PBLD: variants seen among roughly 807,000 people sequenced by gnomAD.
PBLD encodes the protein phenazine biosynthesis like protein domain containing, also known as phenazine biosynthesis-like domain-containing protein.
Under a neutral mutation model 31.3 loss-of-function variants are expected in PBLD, and 26 were observed. The ratio of observed to expected loss-of-function variants is 0.83; its 90% CI spans 0.61 to 1.15. PBLD has a LOEUF of 1.15. Ranked by LOEUF, PBLD falls within the 50% of genes most tolerant of loss-of-function variation. PBLD has a pLI of 0.00. For missense variants in PBLD, 307 were observed against 351.7 expected, an observed-to-expected ratio of 0.87 and a Z score of 1.02; for synonymous variants, 114 against 129.0, an observed-to-expected ratio of 0.88 and a Z score of 0.79.
intron 1 of PBLD, among the ~76,000 whole-genome samples, chr10:68,316,138 C>G (rs2044733620): frequency 6.6e-6 from 1 of 151,914 alleles, no homozygotes; most frequent in Non-Finnish European, 1.5e-5. Flanking sequence ...AAAAACTGTC[C>G]CTGAGGGAGT....
chr10:68,305,299 G>C (rs1330381663), intron 2 of PBLD, among the ~76,000 whole-genome samples: 2 of 139,674 alleles, frequency 1.4e-5, no homozygotes, highest in Admixed American at 7.5e-5. Context: ...TTTTCTTAGA[G>C]ACACGGTCTC....
intron 2 of PBLD, among the ~76,000 whole-genome samples, chr10:68,298,660 G>A (rs1237352920): frequency 6.6e-6 from 1 of 152,064 alleles, no homozygotes; most frequent in Non-Finnish European, 1.5e-5. Context: ...AAGTGGGCAA[G>A]TCATTTAATC....
intron 8 of PBLD, chr10:68,287,108 A>G (rs1219292964): frequency 6.4e-4 from 2 of 3,134 alleles, no homozygotes; most frequent in Non-Finnish European, 0.037. Context: ...CAGCCTGGGC[A>G]AAAAAAAAAA....
At chr10:68,302,110 C>T (rs2044513113) in intron 2 of PBLD, among the ~76,000 whole-genome samples, 1 of 152,240 alleles carries the variant, frequency 6.6e-6, no homozygotes, top group Non-Finnish European at 1.5e-5. Flanking sequence ...GTTCAAAATA[C>T]TGGCTTTTCT....
intron 1 of PBLD, chr10:68,332,004 C>A (rs1416366857): frequency 6.6e-6 from 1 of 152,630 alleles, no homozygotes; most frequent in Non-Finnish European, 1.5e-5. Context: ...GGGCCGGCCG[C>A]CTTCGCAGTT....
chr10:68,319,069 AAGAAAGAAAG>A (rs1209269511), intron 1 of PBLD, among the ~76,000 whole-genome samples: 2 of 125,544 alleles, frequency 1.6e-5, no homozygotes, highest in Admixed American at 8.5e-5. Context: ...GAAAGAAAGA[AAGAAAGAAAG>A]AAAGAAAGAA....
chr10:68,284,346 G>A (rs1161301584), intron 9 of PBLD, 57 bp from the exon 10 acceptor site: 53 of 1,421,924 alleles, frequency 3.7e-5, no homozygotes, highest in Non-Finnish European at 5.1e-5. Flanking sequence ...AATTAACAAA[G>A]CATAGTGAAA....
chr10:68,288,828 G>A (rs1005185310), intron 7 of PBLD, 103 bp downstream of exon 7: 36 of 1,313,762 alleles, frequency 2.7e-5, no homozygotes, highest in South Asian at 6.4e-5. Context: ...CTCTGGCTGC[G>A]TAAATCATGG....
rs149502566 is a variant in PBLD at position 68,300,488 on chromosome 10, C to T, written c.85-3503G>A. On this transcript the variant is annotated intron_variant, in intron 2 of 9. Transcript: ENST00000358769. ...TGAGTACTGTGCTGAGCCAGGAGCACGGCAACACAACTAAGGGGATTTGTT... is the reference window on the plus strand; with the variant it reads ...TGAGTACTGTGCTGAGCCAGGAGCATGGCAACACAACTAAGGGGATTTGTT... Among the ~76,000 whole-genome samples, 490 of 152,310 alleles carry T rather than the reference C, an allele frequency of 3.2e-3. 7 individuals carry two copies. The highest frequency in any genetic ancestry group is 0.011 in the African/African-American group (452 of 41,568).
At chr10:68,327,156 T>G (rs1215005659) in intron 1 of PBLD, among the ~76,000 whole-genome samples, 6 of 152,174 alleles carry the variant, frequency 3.9e-5, no homozygotes, top group African/African-American at 1.4e-4. Context: ...GATTATGAAG[T>G]CAAGTCTAAG....
chr10:68,309,658 A>G (rs1399067779), intron 1 of PBLD, among the ~76,000 whole-genome samples: 3 of 148,734 alleles, frequency 2.0e-5, no homozygotes, highest in Non-Finnish European at 4.4e-5. Context: ...AAATACAGAA[A>G]TCAGCTGGGC....
intron 1 of PBLD, among the ~76,000 whole-genome samples, chr10:68,328,239 T>C (rs966809305): frequency 6.6e-6 from 1 of 152,268 alleles, no homozygotes; most frequent in Non-Finnish European, 1.5e-5. Flanking sequence ...GTTACATTTT[T>C]TAGATTATTT....
intron 1 of PBLD, chr10:68,331,503 G>C (rs1158602223): frequency 6.6e-6 from 1 of 152,384 alleles, no homozygotes; most frequent in Admixed American, 6.5e-5. Flanking sequence ...GCCAGGGGAA[G>C]GAGGCGGACA....
At chr10:68,330,709 CGT>C (rs56166847) in intron 1 of PBLD, among the ~76,000 whole-genome samples, 13,405 of 142,558 alleles carry the variant, frequency 0.094, 613 homozygotes, top group African/African-American at 0.095. Context: ...CCACGCCCGG[CGT>C]GTGTGTGTGT....
Position 68,289,724 on chromosome 10 carries a change from A to G in PBLD, c.424-705T>C, listed in dbSNP as rs565789279. ...TGACCCAGGTCTGAGAAGGTCAGAG[A>G]AAAAGCTCTAAATCCCTACTGTCCA... On this transcript the variant is annotated intron_variant, in intron 6 of 9. Transcript: ENST00000358769. Among the ~76,000 whole-genome samples, 6 of 146,932 alleles carry G rather than the reference A, an allele frequency of 4.1e-5. No individual in the cohort carries two copies. In the South Asian group the frequency reaches 1.3e-3, roughly 32 times the overall value.
At position 68,296,339 on chromosome 10, in the gene PBLD, A is replaced by G. The variant is rs2044426961; in HGVS notation, c.210T>C (p.Phe70=). ...AQSSCFGLRW[F]TPASEVPLCG... is the part of the protein sequence containing the mutation. ...AGAGTGGGACCTCACTCGCTGGTGTAAACCATCTCAGTCCAAAGCAGGAAC... is the reference window on the plus strand; with the variant it reads ...AGAGTGGGACCTCACTCGCTGGTGTGAACCATCTCAGTCCAAAGCAGGAAC... The change falls in exon 4 of 10, where the codon TTT becomes TTC. Residue 70 remains phenylalanine, a synonymous_variant. Transcript: ENST00000358769. The G allele has an allele frequency of 6.2e-7, 1 of 1,613,942 alleles. No homozygotes were observed. The highest frequency in any genetic ancestry group is 8.5e-7 in the Non-Finnish European group (1 of 1,179,938).
chr10:68,322,847 A>G (rs1279511416), intron 1 of PBLD, among the ~76,000 whole-genome samples: 1 of 151,900 alleles, frequency 6.6e-6, no homozygotes. Flanking sequence ...TGAGAGGCTC[A>G]AGTGAGCCTC....
chr10:68,296,466 G>A (rs1314722013), intron 3 of PBLD, 102 bp from the exon 4 acceptor site: 9 of 806,450 alleles, frequency 1.1e-5, no homozygotes, highest in Non-Finnish European at 1.8e-5. Flanking sequence ...AGCATGATGA[G>A]TAGCCAAAAC....
chr10:68,327,166 G>A (rs1275023841), intron 1 of PBLD, among the ~76,000 whole-genome samples: 1 of 152,124 alleles, frequency 6.6e-6, no homozygotes, highest in African/African-American at 2.4e-5. Flanking sequence ...TCAAGTCTAA[G>A]TTTTGCCATT....
Sources: gnomAD v4.1 joint callset for allele counts (sites outside exome capture counted in the v4.1 genomes callset) on GRCh38, gnomAD v4.1.1 for gene constraint, MANE v1.5 for transcripts, NCBI Gene and HGNC (gene_info 2026-07-23, HGNC 2026-07-21) for gene names.